Variants in HRH2 observed in about 807,000 individuals in gnomAD.
HRH2 encodes histamine receptor H2, also known as histamine H2 receptor.
Under a neutral mutation model 20.1 loss-of-function variants are expected in HRH2, and 4 were observed. The observed-to-expected ratio is 0.20, with a 90% confidence interval of 0.10 to 0.45. The LOEUF is 0.45. HRH2 is among the 20% of genes least tolerant of loss of function. The pLI is 0.99. For synonymous variants in HRH2, 197 were observed against 200.7 expected (o/e 0.98, Z 0.16); for missense variants, 250 against 461.6 (o/e 0.54, Z 4.20).
At chr5:175,707,491 A>C (rs536371993) in intron 2 of HRH2, among the ~76,000 whole-genome samples, 1 of 152,336 alleles carries the variant, frequency 6.6e-6, no homozygotes, top group South Asian at 2.1e-4. Context: ...TCTTCATTTG[A>C]AGTCCAGAGA....
intron 1 of HRH2, among the ~76,000 whole-genome samples, chr5:175,663,957 C>T (rs1349998920): frequency 6.6e-6 from 1 of 152,202 alleles, no homozygotes; most frequent in Non-Finnish European, 1.5e-5. Flanking sequence ...CCAGCTCTGC[C>T]CCTATCTGAT....
chr5:175,667,025 T>C (rs1159585996), intron 1 of HRH2, among the ~76,000 whole-genome samples: 1 of 152,154 alleles, frequency 6.6e-6, no homozygotes, highest in Admixed American at 6.5e-5. Flanking sequence ...GGCATATATA[T>C]ATATATGTAA....
At chr5:175,660,301 G>T (rs1239179932) in intron 1 of HRH2, among the ~76,000 whole-genome samples, 2 of 152,200 alleles carry the variant, frequency 1.3e-5, no homozygotes, top group African/African-American at 2.4e-5. Context: ...AAAGGATGGA[G>T]ATATGCACAA....
chr5:175,665,339 G>A (rs1357623434), intron 1 of HRH2, among the ~76,000 whole-genome samples: 1 of 152,192 alleles, frequency 6.6e-6, no homozygotes, highest in East Asian at 1.9e-4. Flanking sequence ...GAGGCAGCGG[G>A]AGAGGGAGGT....
At chr5:175,662,706 A>G (rs1443512396) in intron 1 of HRH2, among the ~76,000 whole-genome samples, 1 of 152,194 alleles carries the variant, frequency 6.6e-6, no homozygotes, top group Non-Finnish European at 1.5e-5. Flanking sequence ...ACCAATTCAA[A>G]TGACAAGTCC....
Position 175,708,190 on chromosome 5 carries a change from C to A in HRH2, c.*219C>A. ...CAGGCACGCAAGACTCCTCTGGGCC[C>A]GAGTGGGCTGAATCCCATGGGTTCA... On this transcript the variant is annotated 3_prime_UTR_variant, in exon 3 of 3. Coordinates refer to ENST00000636584, the MANE Select transcript of HRH2 (RefSeq NM_001367711.1). The A allele has an allele frequency of 2.7e-6, 1 of 376,486 alleles. No individual in the cohort carries two copies. Among genetic ancestry groups the A allele is most frequent in the Non-Finnish European group, 4.7e-6 (1 of 212,568 alleles). The allele number at this position is 376,486 out of a possible 1,614,324, so 23.3% of individuals were successfully genotyped here.
Position 175,707,649 on chromosome 5 carries a change from T to TCCCCAGCCCCCCC in HRH2, c.1077-126_1077-125insAGCCCCCCCCCCC. 2 of 138,174 alleles carry TCCCCAGCCCCCCC rather than the reference T, an allele frequency of 1.4e-5. 1 individual carries two copies. The highest frequency in any genetic ancestry group is 3.1e-5 in the Non-Finnish European group (2 of 63,594). The allele number at this position is 138,174 out of a possible 1,614,324, so 8.6% of individuals were successfully genotyped here. On this transcript the variant is annotated intron_variant, in intron 2 of 2. Coordinates refer to ENST00000636584, the MANE Select transcript of HRH2 (RefSeq NM_001367711.1). Reference sequence around the variant, plus strand: ...TCTGGGTGGCAAAGGGCGGTTCCCCTCCCCTCCCCACCCCATCCCACCCTC... The same window carrying TCCCCAGCCCCCCC: ...TCTGGGTGGCAAAGGGCGGTTCCCCTCCCCAGCCCCCCCCCCCTCCCCACCCCATCCCACCCTC...
intron 1 of HRH2, among the ~76,000 whole-genome samples, chr5:175,673,858 C>T (rs886347407): frequency 1.3e-5 from 2 of 152,066 alleles, no homozygotes; most frequent in African/African-American, 2.4e-5. Flanking sequence ...ATGCCCGCCA[C>T]CACGCCCTGC....
rs1222463692 is a variant in HRH2 at position 175,693,692 on chromosome 5, T to G, written c.1076+9383T>G. 6.6e-6 allele frequency among the ~76,000 whole-genome samples: 1 copy of G among 152,230 alleles called. No homozygotes were observed. The highest frequency in any genetic ancestry group is 1.9e-4 in the East Asian group (1 of 5,190). Reference sequence around the variant, plus strand: ...GAGAACCCCATGTCTGTTGCCATCCTTCCTATTCCCTGAAGTCACAGCTCT... The same window carrying G: ...GAGAACCCCATGTCTGTTGCCATCCGTCCTATTCCCTGAAGTCACAGCTCT... On this transcript the variant is annotated intron_variant, in intron 2 of 2. Transcript: ENST00000636584. The surrounding 1 kb of genome is among the most constrained non-coding windows in gnomAD (Gnocchi z 4.4).
chr5:175,673,540 C>T (rs973816600), intron 1 of HRH2, among the ~76,000 whole-genome samples: 15 of 152,138 alleles, frequency 9.9e-5, no homozygotes, highest in African/African-American at 3.4e-4. Context: ...GAAGCAGGAG[C>T]GACTGACAAT....
intron 2 of HRH2, among the ~76,000 whole-genome samples, chr5:175,684,810 G>A (rs769285320): frequency 1.2e-4 from 18 of 152,180 alleles, no homozygotes; most frequent in Non-Finnish European, 2.5e-4. Context: ...CTTACCGTGG[G>A]GGGGGTGTAA....
chr5:175,670,325 G>A (rs1440702154), intron 1 of HRH2, among the ~76,000 whole-genome samples: 1 of 152,006 alleles, frequency 6.6e-6, no homozygotes. Flanking sequence ...GAAATCTCCT[G>A]ATTGTTAAAT....
chr5:175,675,937 A>G (rs956322717), intron 1 of HRH2, among the ~76,000 whole-genome samples: 4 of 151,890 alleles, frequency 2.6e-5, no homozygotes, highest in Admixed American at 2.0e-4. Flanking sequence ...AGCCATCCCT[A>G]CCCTCTCACT....
intron 1 of HRH2, among the ~76,000 whole-genome samples, chr5:175,676,922 TATGGCTGA>T (rs1755779910): frequency 6.6e-6 from 1 of 152,244 alleles, no homozygotes; most frequent in African/African-American, 2.4e-5. Flanking sequence ...CATTCTTTTT[TATGGCTGA>T]ATGGTATTCC....
intron 1 of HRH2, among the ~76,000 whole-genome samples, chr5:175,678,676 C>T (rs1344369070): frequency 8.5e-5 from 13 of 152,236 alleles, no homozygotes; most frequent in East Asian, 1.9e-4. Flanking sequence ...GCGGTCGCTG[C>T]GTGGATGCAG....
intron 2 of HRH2, among the ~76,000 whole-genome samples, chr5:175,691,997 C>T (rs1048506597): frequency 2.0e-5 from 3 of 152,150 alleles, no homozygotes; most frequent in African/African-American, 7.2e-5. Flanking sequence ...ATTGCAGGCC[C>T]TTGACCCCTT....
chr5:175,688,470 G>A (rs1756250356), intron 2 of HRH2, among the ~76,000 whole-genome samples: 1 of 152,170 alleles, frequency 6.6e-6, no homozygotes, highest in African/African-American at 2.4e-5. Context: ...CTTGCCACCT[G>A]CCAGCACTGT....
Position 175,677,107 on chromosome 5 carries a change from A to C in HRH2, c.-525-5602A>C, listed in dbSNP as rs1342347307. Among the ~76,000 whole-genome samples, 1 of 152,034 alleles carries C rather than the reference A, an allele frequency of 6.6e-6. No homozygotes were observed. The highest frequency in any genetic ancestry group is 1.5e-5 in the Non-Finnish European group (1 of 68,008). On this transcript the variant is annotated intron_variant, in intron 1 of 2. Coordinates refer to ENST00000636584, the MANE Select transcript of HRH2 (RefSeq NM_001367711.1). This position sits in a 1 kb window ranked among gnomAD's most constrained non-coding sequence, Gnocchi z 4.2. ...ACCCCTGGGCTCAAGCGATCTTCCC[A>C]CCTCGGCCTCCCGAGTAGCCTGCCC...
intron 1 of HRH2, among the ~76,000 whole-genome samples, chr5:175,670,408 G>A (rs1755487402): frequency 6.6e-6 from 1 of 152,232 alleles, no homozygotes; most frequent in East Asian, 1.9e-4. Context: ...AATTCAGCCT[G>A]TGGCCATTGA....
Sources: gnomAD v4.1 joint callset for allele counts (sites outside exome capture counted in the v4.1 genomes callset) on GRCh38, gnomAD v4.1.1 for gene constraint, Gnocchi (gnomAD v3.1) non-coding constraint, MANE v1.5 for transcripts, NCBI Gene and HGNC (gene_info 2026-07-23, HGNC 2026-07-21) for gene names.